Variants in AATK observed in about 807,000 individuals in gnomAD.
AATK encodes the protein lemur tail kinase 1, also known as serine/threonine-protein kinase LMTK1.
AATK carries 91 observed loss-of-function variants against 114.3 expected under a neutral mutation model. The ratio of observed to expected loss-of-function variants is 0.80; its 90% CI spans 0.67 to 0.95. The LOEUF (loss-of-function observed/expected upper bound fraction) is 0.95, where lower values mean the gene tolerates loss of function less well. Ranked by LOEUF, AATK falls within the 40% of genes least tolerant of loss-of-function variation. AATK has a pLI of 0.00. For synonymous variants in AATK, 1,075 were observed against 916.5 expected, an observed-to-expected ratio of 1.17 and a Z score of -3.12; for missense variants, 2,176 against 1,965.2, an observed-to-expected ratio of 1.11 and a Z score of -2.03.
At chr17:81,119,610 C>G in intron 12 of AATK, 30 bp from the exon 13 acceptor site, 1 of 1,536,938 alleles carries the variant, frequency 6.5e-7, no homozygotes, top group Non-Finnish European at 8.8e-7. Flanking sequence ...GTCACTCGCG[C>G]TCACAGCCTG....
intron 1 of AATK, among the ~76,000 whole-genome samples, chr17:81,153,776 A>G (rs2061326980): frequency 6.6e-6 from 1 of 152,184 alleles, no homozygotes; most frequent in South Asian, 2.1e-4. Flanking sequence ...GCTGAATCAC[A>G]GAAGAATTTC....
chr17:81,163,979 C>T (rs1375694789), intron 1 of AATK, among the ~76,000 whole-genome samples: 2 of 152,228 alleles, frequency 1.3e-5, no homozygotes, highest in African/African-American at 2.4e-5. Context: ...TGCCCCCCCA[C>T]AGACACAAGC....
At chr17:81,137,671 C>G (rs563000770) in intron 1 of AATK, among the ~76,000 whole-genome samples, 120 of 152,248 alleles carry the variant, frequency 7.9e-4, no homozygotes, top group African/African-American at 2.8e-3. Flanking sequence ...CAAATGCCCA[C>G]GTATGTGCAT....
chr17:81,123,262 C>A lies in AATK; in HGVS notation c.1044G>T (p.Ala348=), dbSNP rs1050652293. 1 of 1,407,484 alleles carries A rather than the reference C, an allele frequency of 7.1e-7. No homozygotes were observed. 87.2% of individuals were successfully genotyped at this position (1,407,484 alleles called of 1,614,324 possible). ...YPQHSDQQVL[A]YTVREQQLKL... ...TGAGCTGCTGCTCCCGGACCGTGTA[C>A]GCCAGCACCTGCTGGTCCGAGTGCT... The change falls in exon 10 of 14, where the codon GCG becomes GCT. Residue 348 remains alanine (A), a synonymous_variant. Coordinates refer to ENST00000326724, the MANE Select transcript of AATK (RefSeq NM_001080395.3).
chr17:81,154,918 C>CA (rs2061343008), intron 1 of AATK, among the ~76,000 whole-genome samples: 1 of 152,216 alleles, frequency 6.6e-6, no homozygotes, highest in South Asian at 2.1e-4. Flanking sequence ...GTGTGAGCCA[C>CA]TGCGCTCGGC....
At chr17:81,124,875 T>C (rs2060776355) in intron 8 of AATK, 27 bp from the exon 9 acceptor site, 1 of 1,586,002 alleles carries the variant, frequency 6.3e-7, no homozygotes, top group Non-Finnish European at 8.6e-7. Context: ...GGGTCACCCC[T>C]GCCGGCGCAG....
intron 4 of AATK, 25 bp from the exon 5 acceptor site, chr17:81,127,935 C>T (rs373274992): frequency 3.0e-5 from 46 of 1,547,382 alleles, no homozygotes; most frequent in South Asian, 1.5e-4. Context: ...GCATCACCCA[C>T]GGCTGCTCCG....
chr17:81,164,921 C>T (rs964683465), intron 1 of AATK, among the ~76,000 whole-genome samples: 1 of 152,206 alleles, frequency 6.6e-6, no homozygotes, highest in Non-Finnish European at 1.5e-5. Context: ...GAGCAAATGC[C>T]TTCAGACCGA....
At chr17:81,128,307 G>A (rs995959005) in intron 4 of AATK, among the ~76,000 whole-genome samples, 163 bp downstream of exon 4, 3 of 152,156 alleles carry the variant, frequency 2.0e-5, no homozygotes, top group African/African-American at 7.2e-5. Context: ...AGAAGGGGAT[G>A]CAGCCAGATG....
intron 1 of AATK, chr17:81,165,449 C>T (rs1442166748): frequency 8.2e-6 from 3 of 365,026 alleles, no homozygotes; most frequent in African/African-American, 4.2e-5. Context: ...GTAATGTGGA[C>T]TGGCCCCTGC....
intron 1 of AATK, among the ~76,000 whole-genome samples, chr17:81,159,049 G>T (rs1338377230): frequency 6.6e-6 from 1 of 152,224 alleles, no homozygotes; most frequent in African/African-American, 2.4e-5. Context: ...ATCGGTGGCT[G>T]CCAGGGCTGG....
intron 1 of AATK, among the ~76,000 whole-genome samples, chr17:81,147,723 C>T (rs183556709): frequency 1.3e-5 from 2 of 152,102 alleles, no homozygotes; most frequent in Non-Finnish European, 2.9e-5. Context: ...CCACTGCACT[C>T]GAGCCTGGGT....
chr17:81,152,412 C>T (rs2061310542), intron 1 of AATK, among the ~76,000 whole-genome samples: 1 of 152,026 alleles, frequency 6.6e-6, no homozygotes, highest in South Asian at 2.1e-4. Flanking sequence ...ATAATGAGAC[C>T]CCGTCCCTAC....
chr17:81,135,579 C>G (rs2060997461), intron 1 of AATK, among the ~76,000 whole-genome samples: 1 of 152,218 alleles, frequency 6.6e-6, no homozygotes, highest in Non-Finnish European at 1.5e-5. Flanking sequence ...GTTGTCATCT[C>G]TACCCCACTG....
rs1339754219 is a variant in AATK at position 81,122,403 on chromosome 17, C to T, written c.1533G>A (p.Ala511=). ...RLQELCAPDG[A]PPGVVPVLSA... ...TGAGCACCGGAACCACGCCCGGGGG[C>T]GCGCCGTCGGGGGCGCACAGCTCCT... is the stretch of plus-strand genomic sequence containing the variant. The change falls in exon 11 of 14, where the codon GCG becomes GCA. Residue 511 remains alanine, a synonymous_variant. Coordinates refer to ENST00000326724, the MANE Select transcript of AATK (RefSeq NM_001080395.3). The T allele has an allele frequency of 6.8e-6, 10 of 1,470,116 alleles. No individual in the cohort carries two copies. The highest frequency in any genetic ancestry group is 2.9e-5 in the East Asian group (1 of 34,182). 91.1% of individuals were successfully genotyped at this position (1,470,116 alleles called of 1,614,324 possible).
chr17:81,124,427 A>G (rs1342548399), intron 9 of AATK, among the ~76,000 whole-genome samples: 1 of 151,996 alleles, frequency 6.6e-6, no homozygotes, highest in Non-Finnish European at 1.5e-5. Context: ...CCCTCTCCCC[A>G]GGGACAGGTA....
chr17:81,163,186 C>T (rs916390734), intron 1 of AATK, among the ~76,000 whole-genome samples: 10 of 152,234 alleles, frequency 6.6e-5, no homozygotes, highest in Admixed American at 6.5e-4. Context: ...GCGGTGTCCC[C>T]ATGCCCACTT....
chr17:81,129,867 C>T (rs558166742), intron 3 of AATK, among the ~76,000 whole-genome samples: 307 of 152,318 alleles, frequency 2.0e-3, no homozygotes, highest in Admixed American at 3.7e-3. Context: ...CCTCCGCGCC[C>T]GCCCACAGAT....
chr17:81,151,297 C>CCCTCCT (rs2061292594), intron 1 of AATK, among the ~76,000 whole-genome samples: 1 of 140,194 alleles, frequency 7.1e-6, no homozygotes, highest in African/African-American at 2.6e-5. Context: ...TCTCCCCCAC[C>CCCTCCT]GACCCCTCCT....
Sources: allele counts gnomAD v4.1 joint callset (sites outside exome capture counted in the v4.1 genomes callset), GRCh38; gene constraint gnomAD v4.1.1; transcripts MANE v1.5; gene names NCBI Gene and HGNC (gene_info 2026-07-23, HGNC 2026-07-21).